MDN1: variants seen among roughly 807,000 people sequenced by gnomAD.
MDN1 encodes the protein midasin.
MDN1 carries 266 observed loss-of-function variants against 669.2 expected under a neutral mutation model. That is an observed-to-expected ratio of 0.40 (90% CI 0.36 to 0.44). The LOEUF (loss-of-function observed/expected upper bound fraction) is 0.44. MDN1 is among the 20% of genes least tolerant of loss of function. The probability of loss-of-function intolerance (pLI) is 1.00; values close to 1 mark genes in which losing one functional copy is unlikely to be tolerated. For synonymous variants in MDN1, 2,385 were observed against 2,457.1 expected (o/e 0.97, Z 0.87); for missense variants, 5,940 against 6,754.0 (o/e 0.88, Z 4.22).
At chr6:89,717,256 T>G (rs1372591942) in intron 43 of MDN1, among the ~76,000 whole-genome samples, 1 of 152,256 alleles carries the variant, frequency 6.6e-6, no homozygotes, top group Non-Finnish European at 1.5e-5. Context: ...TATATAGCCC[T>G]TCCCTCGAAA....
At chr6:89,817,093 C>T (rs1768891159) in intron 1 of MDN1, among the ~76,000 whole-genome samples, 1 of 152,144 alleles carries the variant, frequency 6.6e-6, no homozygotes, top group South Asian at 2.1e-4. Context: ...AAGACCGCCC[C>T]CCTCACCCTT....
chr6:89,803,288 C>CA, intron 2 of MDN1, 40 bp downstream of exon 2: 1 of 1,561,432 alleles, frequency 6.4e-7, no homozygotes, highest in Non-Finnish European at 8.8e-7. Context: ...CAGGTTCTAT[C>CA]ACCTCAAGGA....
Position 89,652,221 on chromosome 6 carries a change from G to T in MDN1, c.15886C>A (p.Gln5296Lys). The change falls in exon 95 of 102, where the codon CAG becomes AAG. Residue 5296 changes from glutamine (Q) to lysine (K), a missense_variant. Physicochemically the swap from Gln to Lys is moderately conservative, Grantham distance 53. Around this residue, in one of 5 missense-constraint regions of MDN1, gnomAD observed 2,280 missense variants for 2,576.3 expected, o/e 0.88. Transcript: ENST00000369393. ...TCTGGGTTTCCAGATTCACGTGGCTGCCACATTTCCAGCTGTCTCTCCAGC... is the reference window on the plus strand; with the variant it reads ...TCTGGGTTTCCAGATTCACGTGGCTTCCACATTTCCAGCTGTCTCTCCAGC... ...QELERQLEMW[Q>K]PRESGNPEEE... The T allele has an allele frequency of 1.2e-6, 2 of 1,614,002 alleles. No individual in the cohort carries two copies. The highest frequency in any genetic ancestry group is 1.7e-6 in the Non-Finnish European group (2 of 1,179,994).
At chr6:89,760,078 AAAT>A (rs142454105) in intron 17 of MDN1, among the ~76,000 whole-genome samples, 22,079 of 151,936 alleles carry the variant, frequency 0.15, 1,861 homozygotes, top group Non-Finnish European at 0.19. Flanking sequence ...TCTCAAAAAA[AAAT>A]AATAATAATA....
chr6:89,730,519 G>C (rs1423975362), intron 35 of MDN1, among the ~76,000 whole-genome samples: 1 of 152,196 alleles, frequency 6.6e-6, no homozygotes, highest in Admixed American at 6.5e-5. Context: ...TCTATTTATA[G>C]ATTGAAGTCT....
At chr6:89,652,548 TC>T (rs2128298847) in intron 94 of MDN1, among the ~76,000 whole-genome samples, 1 of 152,340 alleles carries the variant, frequency 6.6e-6, no homozygotes, top group South Asian at 2.1e-4. Flanking sequence ...CACCCTTAAG[TC>T]ATCAATAATG....
In MDN1 at chr6:89,740,244, C is replaced by T; in HGVS notation, c.4583G>A (p.Gly1528Glu). ...TCAGTAAAGTTTTACCTCCTTTTTTCCAAAGTCACCCCCAGGGTTCATGGT... is the reference window on the plus strand; with the variant it reads ...TCAGTAAAGTTTTACCTCCTTTTTTTCAAAGTCACCCCCAGGGTTCATGGT... ...LATMNPGGDF[G>E]KKELSPALRN... The change falls in exon 32 of 102, where the codon GGA (glycine) becomes GAA (glutamate). Residue 1528 changes from glycine (G) to glutamate (E), a missense_variant. Physicochemically the swap from Gly to Glu is moderately conservative, Grantham distance 98. This residue lies in a region of MDN1 where 2,292 missense variants were observed against 2,638.3 expected (regional missense o/e 0.87). Coordinates refer to ENST00000369393, the MANE Select transcript of MDN1 (RefSeq NM_014611.3). 1 of 1,609,776 alleles carries T rather than the reference C, an allele frequency of 6.2e-7. No homozygotes were observed. Among genetic ancestry groups the T allele is most frequent in the African/African-American group, 1.3e-5 (1 of 74,642 alleles).
chr6:89,655,406 C>T (rs1238867477), intron 92 of MDN1, among the ~76,000 whole-genome samples: 5 of 152,088 alleles, frequency 3.3e-5, no homozygotes, highest in Non-Finnish European at 7.4e-5. Flanking sequence ...ACCCTGATAT[C>T]GGGGTTTGGA....
At chr6:89,802,499 A>G (rs1767730734) in intron 2 of MDN1, among the ~76,000 whole-genome samples, 1 of 152,242 alleles carries the variant, frequency 6.6e-6, no homozygotes, top group Non-Finnish European at 1.5e-5. Flanking sequence ...CCTGGCCAAC[A>G]TGGTGAAACC....
rs1056637013 is a variant in MDN1, at chr6:89,647,429, A to G, written c.16395+603T>C. Among the ~76,000 whole-genome samples, 6 of 152,286 alleles carry G rather than the reference A, an allele frequency of 3.9e-5. No individual in the cohort carries two copies. In the South Asian group the frequency reaches 1.2e-3, roughly 32 times the overall value. On this transcript the variant is annotated intron_variant, in intron 99 of 101. Coordinates refer to ENST00000369393, the MANE Select transcript of MDN1 (RefSeq NM_014611.3). ...TTCTCTAAGCTTAATGAGGGAGAAA[A>G]ATAGGTCTTGGCCCAGCTGATAAGG...
At chr6:89,672,133 A>G (rs920611874) in intron 82 of MDN1, 67 bp downstream of exon 82, 9 of 1,466,034 alleles carry the variant, frequency 6.1e-6, no homozygotes, top group Non-Finnish European at 8.1e-6. Context: ...GGAGGGAAGT[A>G]AAGCCCACTC....
intron 40 of MDN1, 77 bp downstream of exon 40, chr6:89,722,878 T>G: frequency 8.4e-7 from 1 of 1,185,004 alleles, no homozygotes; most frequent in Non-Finnish European, 1.2e-6. Context: ...GGCTTGCAAT[T>G]AGTGTATGTC....
At position 89,751,526 on chromosome 6, in the gene MDN1, C is replaced by T. The variant is rs759623737; in HGVS notation, c.3132G>A (p.Ala1044=). ...CTATTGTAGGCTCCTTGTCTCCCACCGCAATCCAGTAGCCTTCAACCTGGA... is the reference window on the plus strand; with the variant it reads ...CTATTGTAGGCTCCTTGTCTCCCACTGCAATCCAGTAGCCTTCAACCTGGA... ...RLIQVEGYWI[A]VGDKEPTIDE... is the part of the protein sequence containing the mutation. Residue 1044 remains alanine, a synonymous_variant, in exon 23 of 102, where the codon GCG becomes GCA. Coordinates refer to ENST00000369393, the MANE Select transcript of MDN1 (RefSeq NM_014611.3). 18 of 1,614,118 alleles carry T rather than the reference C, an allele frequency of 1.1e-5. No individual in the cohort carries two copies. The East Asian group carries it at 1.6e-4, about 14-fold the overall frequency.
intron 1 of MDN1, chr6:89,814,651 G>A (rs1362490990): frequency 4.4e-5 from 10 of 225,548 alleles, no homozygotes; most frequent in Non-Finnish European, 8.2e-5. Context: ...GGTCTAGTGG[G>A]CAGAGTAGAC....
chr6:89,795,274 T>C (rs563251341), intron 2 of MDN1, among the ~76,000 whole-genome samples: 1 of 152,280 alleles, frequency 6.6e-6, no homozygotes, highest in Non-Finnish European at 1.5e-5. Flanking sequence ...ATACTCTTCT[T>C]GAGGAGTTTG....
At chr6:89,803,030 T>C (rs1767765879) in intron 2 of MDN1, among the ~76,000 whole-genome samples, 1 of 152,142 alleles carries the variant, frequency 6.6e-6, no homozygotes, top group Non-Finnish European at 1.5e-5. Context: ...CCTCATTTAC[T>C]CCGCTGTATA....
At chr6:89,771,360 C>T (rs1214289618) in intron 15 of MDN1, among the ~76,000 whole-genome samples, 1 of 152,192 alleles carries the variant, frequency 6.6e-6, no homozygotes, top group African/African-American at 2.4e-5. Context: ...ACTTTCCTGT[C>T]TTACTGGGGC....
chr6:89,696,457 C>T lies in MDN1; in HGVS notation c.9286G>A (p.Val3096Met), dbSNP rs140980073. Residue 3096 changes from valine to methionine, a missense_variant, in exon 60 of 102, where the codon GTG becomes ATG. Transcript: ENST00000369393. ...CTCTCAACCCACTCTCCTAGGGTCACGTGAGAGGAGGAAAGAATGGGGAGG... is the reference window on the plus strand; with the variant it reads ...CTCTCAACCCACTCTCCTAGGGTCATGTGAGAGGAGGAAAGAATGGGGAGG... Reference protein sequence around the residue: ...SGLPILSSSHVTLGEWVERTQ... With the variant: ...SGLPILSSSHMTLGEWVERTQ... 5.0e-6 allele frequency: 8 copies of T among 1,614,024 alleles called. No homozygotes were observed. The highest frequency in any genetic ancestry group is 1.7e-5 in the Admixed American group (1 of 59,996).
intron 71 of MDN1, among the ~76,000 whole-genome samples, chr6:89,684,616 C>G (rs1811878304): frequency 6.6e-6 from 1 of 152,100 alleles, no homozygotes; most frequent in Non-Finnish European, 1.5e-5. Context: ...TGGGCAAGAC[C>G]AGGGGAACAC....
Sources: allele counts gnomAD v4.1 joint callset (sites outside exome capture counted in the v4.1 genomes callset), GRCh38; gene constraint gnomAD v4.1.1; regional missense constraint gnomAD v4.1.1; transcripts MANE v1.5; gene names NCBI Gene and HGNC (gene_info 2026-07-23, HGNC 2026-07-21).